GATM: variants seen among roughly 807,000 people sequenced by gnomAD.
GATM encodes the protein glycine amidinotransferase, mitochondrial.
A neutral mutation model predicts 54.2 loss-of-function variants in GATM; 23 were observed. That is an observed-to-expected ratio of 0.42 (90% CI 0.31 to 0.60). The LOEUF (loss-of-function observed/expected upper bound fraction) is 0.60, where lower values mean the gene tolerates loss of function less well. Among genes scored for constraint, GATM ranks in the 20% least tolerant of loss-of-function variants. The probability of loss-of-function intolerance (pLI) is 0.14; values close to 1 mark genes in which losing one functional copy is unlikely to be tolerated. For missense variants in GATM, 401 were observed against 544.9 expected, an observed-to-expected ratio of 0.74 and a Z score of 2.63; for synonymous variants, 168 against 183.1, an observed-to-expected ratio of 0.92 and a Z score of 0.67.
In GATM at chr15:45,361,198, C is replaced by A. The variant is rs1425835580; in HGVS notation, c.*911G>T. The A allele has an allele frequency of 2.0e-5, 3 of 152,072 alleles. No individual in the cohort carries two copies. The highest frequency in any genetic ancestry group is 4.4e-5 in the Non-Finnish European group (3 of 68,018). 9.4% of individuals were successfully genotyped at this position (152,072 alleles called of 1,614,324 possible). A position where few individuals can be genotyped will look rare whatever the true frequency, so the allele number is the denominator to read the frequency against. On this transcript the variant is annotated 3_prime_UTR_variant, in exon 9 of 9. Transcript: ENST00000396659. ...TCAACACTAAAATTATTTCACATCG[C>A]ATTTAGGTTTTACCTCCATTAGTTT...
chr15:45,399,360 T>C (rs574161772), intron 2 of GATM, among the ~76,000 whole-genome samples: 1 of 152,344 alleles, frequency 6.6e-6, no homozygotes, highest in East Asian at 1.9e-4. Flanking sequence ...AAAATTCATT[T>C]GTTGAAATTT....
At position 45,368,956 on chromosome 15, in the gene GATM, G is replaced by C. The variant is rs141922844; in HGVS notation, c.484+370C>G. 8.5e-4 allele frequency among the ~76,000 whole-genome samples: 130 copies of C among 152,106 alleles called. No homozygotes were observed. Among genetic ancestry groups the C allele is most frequent in the African/African-American group, 2.9e-3 (121 of 41,506 alleles). ...ATCTAAAACTAGAAATTAGAACAGT[G>C]ACCTAAGGCACAAGAACAGTCATGC... is the stretch of plus-strand genomic sequence containing the variant. On this transcript the variant is annotated intron_variant, in intron 3 of 8. Coordinates refer to ENST00000396659, the MANE Select transcript of GATM (RefSeq NM_001482.3). This position sits in a 1 kb window ranked among gnomAD's most constrained non-coding sequence, Gnocchi z 5.1.
At chr15:45,397,183 G>C (rs1889944254) in intron 2 of GATM, 1 of 151,954 alleles carries the variant, frequency 6.6e-6, no homozygotes, top group South Asian at 2.1e-4. Context: ...GGTGCTAGGA[G>C]AATCTTTGGT....
At chr15:45,390,846 C>G (rs1479352663) in intron 3 of GATM, among the ~76,000 whole-genome samples, 1 of 152,086 alleles carries the variant, frequency 6.6e-6, no homozygotes, top group Non-Finnish European at 1.5e-5. Flanking sequence ...TCTTTCACAT[C>G]ACTGTATGGA....
In GATM at chr15:45,366,408, A is replaced by G; in HGVS notation, c.776T>C (p.Ile259Thr). 6.2e-7 allele frequency: 1 copy of G among 1,614,200 alleles called. No homozygotes were observed. The highest frequency in any genetic ancestry group is 8.5e-7 in the Non-Finnish European group (1 of 1,180,034). Residue 259 changes from isoleucine (I) to threonine (T), a missense_variant, in exon 5 of 9, where the codon ATT becomes ACT. Around this residue, in one of 3 missense-constraint regions of GATM, gnomAD observed 321 missense variants for 457.5 expected, o/e 0.70. Coordinates refer to ENST00000396659, the MANE Select transcript of GATM (RefSeq NM_001482.3). ...TGCAAAAATATCTCTTCCAGCTCGA[A>G]TGAAGTCAGCAGCATCAAAGCATGG... ...FEPCFDAADF[I>T]RAGRDIFAQR...
intron 3 of GATM, among the ~76,000 whole-genome samples, chr15:45,387,449 T>G (rs890651777): frequency 2.6e-5 from 4 of 152,094 alleles, no homozygotes; most frequent in African/African-American, 7.2e-5. Context: ...TATTCCTGTT[T>G]TTTTTTTTTT....
At position 45,368,251 on chromosome 15, in the gene GATM, C is replaced by T. The variant is rs780398292; in HGVS notation, c.494G>A (p.Ser165Asn). The T allele has an allele frequency of 2.9e-5, 47 of 1,613,538 alleles. No individual in the cohort carries two copies. Among genetic ancestry groups the T allele is most frequent in the Non-Finnish European group, 3.8e-5 (45 of 1,179,968 alleles). Residue 165 changes from serine (S) to asparagine (N), a missense_variant, in exon 4 of 9, where the codon AGT becomes AAT. Around this residue, in one of 3 missense-constraint regions of GATM, gnomAD observed 321 missense variants for 457.5 expected, o/e 0.70. Transcript: ENST00000396659. The surrounding 1 kb of genome is among the most constrained non-coding windows in gnomAD (Gnocchi z 5.1). The part of the protein sequence containing the change: ...TPDFESTGLY[S>N]AMPRDILIVV... ...TATCAGGATGTCTCGAGGCATTGCACTGTATAAACCTGTCAGACCAAAAAA... is the reference window on the plus strand; with the variant it reads ...TATCAGGATGTCTCGAGGCATTGCATTGTATAAACCTGTCAGACCAAAAAA...
chr15:45,382,660 G>A (rs1489250528), upstream of GATM, among the ~76,000 whole-genome samples: 1 of 152,016 alleles, frequency 6.6e-6, no homozygotes, highest in African/African-American at 2.4e-5. Context: ...AGGCGTGTTG[G>A]TGCACACCTG....
Position 45,376,641 on chromosome 15 carries a change from G to C in GATM, c.248C>G (p.Ala83Gly). ...GAACGGTGGAACACAGGCGTTTTCT[G>C]CTCTGCCCACTATCACTTCCTCTAA... ...DPLEEVIVGR[A>G]ENACVPPFTI... Residue 83 changes from alanine to glycine, a missense_variant, in exon 2 of 9, where the codon GCA becomes GGA. Coordinates refer to ENST00000396659, the MANE Select transcript of GATM (RefSeq NM_001482.3). 2 of 1,614,122 alleles carry C rather than the reference G, an allele frequency of 1.2e-6. No homozygotes were observed. Among genetic ancestry groups the C allele is most frequent in the Non-Finnish European group, 1.7e-6 (2 of 1,180,026 alleles).
upstream of GATM, among the ~76,000 whole-genome samples, chr15:45,380,979 G>T (rs1889733516): frequency 1.3e-5 from 2 of 151,582 alleles, no homozygotes; most frequent in South Asian, 4.2e-4. Context: ...TTCTGTTTTT[G>T]AAAAAATTTG....
upstream of GATM, among the ~76,000 whole-genome samples, chr15:45,383,067 C>T (rs1455515544): frequency 6.6e-6 from 1 of 152,142 alleles, no homozygotes; most frequent in Non-Finnish European, 1.5e-5. Context: ...GTTTTACCCA[C>T]CAGTATATCC....
Position 45,366,359 on chromosome 15 carries a change from G to C in GATM, c.813+12C>G, listed in dbSNP as rs781058415. 4.3e-6 allele frequency: 7 copies of C among 1,613,956 alleles called. No homozygotes were observed. The highest frequency in any genetic ancestry group is 5.9e-6 in the Non-Finnish European group (7 of 1,179,970). On this transcript the variant is annotated intron_variant, in intron 5 of 8. Coordinates refer to ENST00000396659, the MANE Select transcript of GATM (RefSeq NM_001482.3). ...AATATAGTGTGAAATTTCAGAGGCA[G>C]CCTGCGTTCACCTGGCTTCTCTGTG... is the stretch of plus-strand genomic sequence containing the variant.
chr15:45,368,030 G>A lies in GATM; in HGVS notation c.675+40C>T, dbSNP rs1889476096. ...TATCTTACTCTTTGTGGATCATTTAGAAAAGTTAGTAATAAGCTAGCCTAT... is the reference window on the plus strand; with the variant it reads ...TATCTTACTCTTTGTGGATCATTTAAAAAAGTTAGTAATAAGCTAGCCTAT... On this transcript the variant is annotated intron_variant, in intron 4 of 8. Transcript: ENST00000396659. This position sits in a 1 kb window ranked among gnomAD's most constrained non-coding sequence, Gnocchi z 5.1. 5.7e-6 allele frequency: 9 copies of A among 1,569,382 alleles called. No individual in the cohort carries two copies. The South Asian group carries it at 7.8e-5, about 14-fold the overall frequency.
intron 2 of GATM, among the ~76,000 whole-genome samples, chr15:45,398,683 T>C (rs925708794): frequency 6.6e-6 from 1 of 152,246 alleles, no homozygotes; most frequent in African/African-American, 2.4e-5. Flanking sequence ...TTGCAAATCA[T>C]GCTTTTTCAA....
chr15:45,381,099 C>G (rs1889735904), upstream of GATM, among the ~76,000 whole-genome samples: 1 of 152,158 alleles, frequency 6.6e-6, no homozygotes, highest in African/African-American at 2.4e-5. Flanking sequence ...TGATAGTTGG[C>G]AACTCCGTGG....
intron 2 of GATM, among the ~76,000 whole-genome samples, chr15:45,370,247 G>A (rs1252949860): frequency 2.6e-5 from 4 of 151,938 alleles, no homozygotes; most frequent in African/African-American, 4.8e-5. Flanking sequence ...ATGGTGGCAC[G>A]TGCCTGTAGT....
chr15:45,401,213 T>C (rs992607189), intron 1 of GATM, among the ~76,000 whole-genome samples: 3 of 152,190 alleles, frequency 2.0e-5, no homozygotes, highest in African/African-American at 7.2e-5. Flanking sequence ...CCATGAAGTT[T>C]GGACAGAATG....
rs397514709 is a variant in GATM, at chr15:45,368,137, T to C, written c.608A>G (p.Tyr203Cys). 1 of 1,614,064 alleles carries C rather than the reference T, an allele frequency of 6.2e-7. No homozygotes were observed. Among genetic ancestry groups the C allele is most frequent in the South Asian group, 1.1e-5 (1 of 91,068 alleles). ...TGTCCACTTGGCGCCACGGTGGAAGTAGTCTTTGATAATTGACCTGTACGC... is the reference window on the plus strand; with the variant it reads ...TGTCCACTTGGCGCCACGGTGGAAGCAGTCTTTGATAATTGACCTGTACGC... ...YRAYRSIIKD[Y>C]FHRGAKWTTA... The change falls in exon 4 of 9, where the codon TAC (tyrosine) becomes TGC (cysteine). Residue 203 changes from tyrosine to cysteine, a missense_variant. Transcript: ENST00000396659. This position sits in a 1 kb window ranked among gnomAD's most constrained non-coding sequence, Gnocchi z 5.1.
At chr15:45,376,543 T>TAGC (rs1889639486) in intron 2 of GATM, 58 bp downstream of exon 2, 1 of 1,412,012 alleles carries the variant, frequency 7.1e-7, no homozygotes, top group Non-Finnish European at 1.0e-6. Context: ...AGTCAGAGGG[T>TAGC]AGCAGCAGCA....
Sources: gnomAD v4.1 joint callset for allele counts (sites outside exome capture counted in the v4.1 genomes callset) on GRCh38, gnomAD v4.1.1 for gene constraint, gnomAD v4.1.1 regional missense constraint, Gnocchi (gnomAD v3.1) non-coding constraint, MANE v1.5 for transcripts, NCBI Gene and HGNC (gene_info 2026-07-23, HGNC 2026-07-21) for gene names.